EVC2: variants seen among roughly 807,000 people sequenced by gnomAD.
EVC2 encodes EvC ciliary complex subunit 2, also known as limbin.
Under a neutral mutation model 149.3 loss-of-function variants are expected in EVC2, and 148 were observed. The ratio of observed to expected loss-of-function variants is 0.99; its 90% CI spans 0.87 to 1.14. The LOEUF is 1.14. Ranked by LOEUF, EVC2 falls within the 50% of genes most tolerant of loss-of-function variation. The probability of loss-of-function intolerance (pLI) is 0.00; values close to 1 mark genes in which losing one functional copy is unlikely to be tolerated. For missense variants in EVC2, 1,854 were observed against 1,627.3 expected, an observed-to-expected ratio of 1.14 and a Z score of -2.40; for synonymous variants, 776 against 649.9, an observed-to-expected ratio of 1.19 and a Z score of -2.95.
rs778354276 is a variant in EVC2 at position 5,694,531 on chromosome 4, T to C, written c.284-30A>G. 1.1e-5 allele frequency: 17 copies of C among 1,613,938 alleles called. No homozygotes were observed. The South Asian group carries it at 1.9e-4, about 18-fold the overall frequency. On this transcript the variant is annotated intron_variant, in intron 2 of 21. Transcript: ENST00000344408. The stretch of plus-strand genomic sequence containing the variant: ...AAAACAACAACACACCCGTTTTATA[T>C]AATGCGGAAAGACAGTAAGACATAG...
At chr4:5,565,899 G>A (rs539115996) in intron 20 of EVC2, among the ~76,000 whole-genome samples, 43 of 152,254 alleles carry the variant, frequency 2.8e-4, no homozygotes, top group Middle Eastern at 6.8e-3. Context: ...GAAGGCTGAC[G>A]GGTTGGGGGA....
chr4:5,612,921 CCAAAAAA>C (rs1714957107), intron 16 of EVC2, among the ~76,000 whole-genome samples: 1 of 69,156 alleles, frequency 1.4e-5, no homozygotes, highest in African/African-American at 5.1e-5. Flanking sequence ...GACTCTGTCT[CCAAAAAA>C]AAAAAAAAAA....
chr4:5,607,345 T>G (rs1055405547), intron 16 of EVC2, among the ~76,000 whole-genome samples: 1 of 152,240 alleles, frequency 6.6e-6, no homozygotes, highest in African/African-American at 2.4e-5. Flanking sequence ...AGGCAACTAC[T>G]AAATGAATCT....
intron 6 of EVC2, among the ~76,000 whole-genome samples, chr4:5,683,572 CGG>C (rs1720490830): frequency 6.6e-6 from 1 of 152,066 alleles, no homozygotes. Context: ...CCTGGTTTCA[CGG>C]AGCTGACATT....
At chr4:5,581,685 T>A (rs113516677) in intron 17 of EVC2, among the ~76,000 whole-genome samples, 2,545 of 152,256 alleles carry the variant, frequency 0.017, 63 homozygotes, top group African/African-American at 0.058. Flanking sequence ...AGTGTAAAAG[T>A]GTGGAAAATT....
At chr4:5,609,967 A>G (rs954688096) in intron 16 of EVC2, among the ~76,000 whole-genome samples, 1 of 152,214 alleles carries the variant, frequency 6.6e-6, no homozygotes, top group East Asian at 1.9e-4. Context: ...GGAAGGGTAA[A>G]GCATGTAATG....
In EVC2 at chr4:5,567,330, G is replaced by A. The variant is rs1213345198; in HGVS notation, c.3557+1114C>T. 2.0e-5 allele frequency among the ~76,000 whole-genome samples: 3 copies of A among 151,900 alleles called. No homozygotes were observed. Among genetic ancestry groups the A allele is most frequent in the African/African-American group, 7.3e-5 (3 of 41,310 alleles). On this transcript the variant is annotated intron_variant, in intron 20 of 21. Coordinates refer to ENST00000344408, the MANE Select transcript of EVC2 (RefSeq NM_147127.5). The surrounding 1 kb of genome is among the most constrained non-coding windows in gnomAD (Gnocchi z 4.4). The stretch of plus-strand genomic sequence containing the variant: ...TCAGACTCTATTCACCCTCAGCAGC[G>A]CTTCTTGGATTTTGGGGTCAGATAC...
At chr4:5,647,001 G>A (rs1184894066) in intron 9 of EVC2, among the ~76,000 whole-genome samples, 1 of 152,190 alleles carries the variant, frequency 6.6e-6, no homozygotes, top group East Asian at 1.9e-4. Context: ...TCTGTGAGTT[G>A]TTACAAGAGA....
intron 1 of EVC2, among the ~76,000 whole-genome samples, chr4:5,701,842 C>T (rs958189558): frequency 6.6e-6 from 1 of 152,196 alleles, no homozygotes; most frequent in Non-Finnish European, 1.5e-5. Context: ...TTCTCTTTCT[C>T]TCTCTCAACC....
intron 7 of EVC2, among the ~76,000 whole-genome samples, chr4:5,672,863 A>C (rs1162761057): frequency 1.3e-5 from 2 of 152,204 alleles, no homozygotes; most frequent in African/African-American, 4.8e-5. Context: ...GGAACACTGA[A>C]AACTTGATGC....
intron 16 of EVC2, among the ~76,000 whole-genome samples, chr4:5,593,196 A>T (rs1052968627): frequency 1.3e-5 from 2 of 152,158 alleles, no homozygotes; most frequent in Admixed American, 1.3e-4. Flanking sequence ...ATGTCCTTAT[A>T]GTAGTGTGAG....
intron 21 of EVC2, among the ~76,000 whole-genome samples, chr4:5,551,638 G>A (rs1721741074): frequency 6.6e-6 from 1 of 152,132 alleles, no homozygotes; most frequent in African/African-American, 2.4e-5. Context: ...GGGGACTTTT[G>A]GGAAGGCATG....
At chr4:5,602,907 G>C (rs1054446591) in intron 16 of EVC2, among the ~76,000 whole-genome samples, 19 of 152,178 alleles carry the variant, frequency 1.2e-4, no homozygotes, top group Admixed American at 8.5e-4. Flanking sequence ...AGCACCAAAA[G>C]ACCAAGCTAA....
At chr4:5,555,131 G>A (rs968284875) in intron 21 of EVC2, among the ~76,000 whole-genome samples, 15 of 151,824 alleles carry the variant, frequency 9.9e-5, no homozygotes, top group African/African-American at 3.4e-4. Flanking sequence ...AGGGAAATAA[G>A]TATAGCCACC....
intron 17 of EVC2, among the ~76,000 whole-genome samples, chr4:5,578,098 C>G (rs1472182816): frequency 6.6e-6 from 1 of 152,226 alleles, no homozygotes; most frequent in Non-Finnish European, 1.5e-5. Context: ...AACCCCTGCA[C>G]CCTTACACCT....
chr4:5,672,339 G>C (rs1388257286), intron 7 of EVC2, among the ~76,000 whole-genome samples: 1 of 152,222 alleles, frequency 6.6e-6, no homozygotes. Context: ...GATTTGCTGT[G>C]TCATCCTAAG....
chr4:5,617,280 C>G (rs1715326610), intron 15 of EVC2, among the ~76,000 whole-genome samples: 2 of 152,168 alleles, frequency 1.3e-5, no homozygotes, highest in Non-Finnish European at 2.9e-5. Context: ...CTCACTTTTC[C>G]TCTGCTGGGC....
At chr4:5,629,516 T>C (rs1039099651) in intron 11 of EVC2, among the ~76,000 whole-genome samples, 1 of 152,252 alleles carries the variant, frequency 6.6e-6, no homozygotes, top group African/African-American at 2.4e-5. Flanking sequence ...AACTACTCTA[T>C]GGACTGGCTT....
intron 1 of EVC2, among the ~76,000 whole-genome samples, chr4:5,702,595 G>C (rs1464220421): frequency 6.6e-6 from 1 of 152,220 alleles, no homozygotes; most frequent in Non-Finnish European, 1.5e-5. Flanking sequence ...AGCCAGATGG[G>C]GCCATTTGAG....
Sources: allele counts gnomAD v4.1 joint callset (sites outside exome capture counted in the v4.1 genomes callset), GRCh38; gene constraint gnomAD v4.1.1; non-coding constraint Gnocchi (gnomAD v3.1); transcripts MANE v1.5; gene names NCBI Gene and HGNC (gene_info 2026-07-23, HGNC 2026-07-21).